PCDHGB3: variants seen among roughly 807,000 people sequenced by gnomAD.
PCDHGB3 encodes the protein protocadherin gamma-B3.
Under a neutral mutation model 59.2 loss-of-function variants are expected in PCDHGB3, and 40 were observed. The observed-to-expected ratio is 0.68, with a 90% CI of 0.52 to 0.88. PCDHGB3 has a LOEUF of 0.88. Among genes scored for constraint, PCDHGB3 ranks in the 40% least tolerant of loss-of-function variants. PCDHGB3 has a pLI of 0.00. For synonymous variants in PCDHGB3, 581 were observed against 503.6 expected (o/e 1.15, Z -2.06); for missense variants, 1,309 against 1,187.9 (o/e 1.10, Z -1.50).
At chr5:141,411,895 A>G (rs945335839) in intron 1 of PCDHGB3, 1 of 152,254 alleles carries the variant, frequency 6.6e-6, no homozygotes, top group Non-Finnish European at 1.5e-5. Context: ...TAAATGAAAT[A>G]CTATTGCCTT....
At chr5:141,498,530 A>G (rs1275299749) in intron 2 of PCDHGB3, among the ~76,000 whole-genome samples, 1 of 149,364 alleles carries the variant, frequency 6.7e-6, no homozygotes, top group Non-Finnish European at 1.5e-5. Flanking sequence ...ACTGCCCTCC[A>G]GCCTGGTCTG....
At chr5:141,375,991 C>G in intron 1 of PCDHGB3, 1 of 1,613,448 alleles carries the variant, frequency 6.2e-7, no homozygotes, top group Non-Finnish European at 8.5e-7. Context: ...TGGACAGAGA[C>G]GCGCTCAAGC....
chr5:141,403,855 A>G (rs750458276), intron 1 of PCDHGB3: 12 of 1,613,676 alleles, frequency 7.4e-6, no homozygotes, highest in Non-Finnish European at 1.0e-5. Flanking sequence ...CTGGGGAAAT[A>G]TCAACAGCAA....
chr5:141,486,489 G>T lies in PCDHGB3; in HGVS notation c.2416-8318G>T. 2 of 1,614,060 alleles carry T rather than the reference G, an allele frequency of 1.2e-6. No homozygotes were observed. The highest frequency in any genetic ancestry group is 1.7e-6 in the Non-Finnish European group (2 of 1,179,892). ...GGGAACCCTCCTCTCAGTACCCACA[G>T]AACTATTTTCCTCAATATTTCAGAT... On this transcript the variant is annotated intron_variant, in intron 1 of 3. Coordinates refer to ENST00000576222, the MANE Select transcript of PCDHGB3 (RefSeq NM_018924.5). The surrounding 1 kb of genome is among the most constrained non-coding windows in gnomAD (Gnocchi z 5.0).
rs2098293800 is a variant in PCDHGB3 at position 141,442,043 on chromosome 5, A to G, written c.2416-52764A>G. The G allele has an allele frequency of 1.9e-5, 4 of 205,506 alleles. No homozygotes were observed. In the South Asian group the frequency reaches 2.4e-4, roughly 12 times the overall value. The allele number at this position is 205,506 out of a possible 1,614,324, so 12.7% of individuals were successfully genotyped here. A position where few individuals can be genotyped will look rare whatever the true frequency, so the allele number is the denominator to read the frequency against. On this transcript the variant is annotated intron_variant, in intron 1 of 3. Transcript: ENST00000576222. ...ACAGGAAAGCGACTCGCCAGCGCCTACTGGTCGCGGTGCACTGCGGTGGAC... is the reference window on the plus strand; with the variant it reads ...ACAGGAAAGCGACTCGCCAGCGCCTGCTGGTCGCGGTGCACTGCGGTGGAC...
chr5:141,414,726 C>G (rs761022941), intron 1 of PCDHGB3: 5 of 1,614,196 alleles, frequency 3.1e-6, no homozygotes, highest in Non-Finnish European at 4.2e-6. Context: ...ACACTGGCGT[C>G]CTGTATGCAC....
At chr5:141,423,755 GGGGGGT>G in intron 1 of PCDHGB3, 4 of 512,470 alleles carry the variant, frequency 7.8e-6, no homozygotes, top group Non-Finnish European at 1.0e-5. Context: ...CTGTTTGGGG[GGGGGGT>G]GGGGCGGCAT....
chr5:141,374,554 C>G (rs1412584015), intron 1 of PCDHGB3: 1 of 1,613,560 alleles, frequency 6.2e-7, no homozygotes, highest in African/African-American at 1.3e-5. Flanking sequence ...TAATGGAGGT[C>G]TATGACCCTG....
At chr5:141,423,880 G>A in intron 1 of PCDHGB3, 1 of 1,282,292 alleles carries the variant, frequency 7.8e-7, no homozygotes, top group Middle Eastern at 2.9e-4. Context: ...TTTCAATCTT[G>A]GCATATTTTC....
chr5:141,440,905 C>A (rs986711694), intron 1 of PCDHGB3: 1 of 152,184 alleles, frequency 6.6e-6, no homozygotes, highest in East Asian at 1.9e-4. Context: ...TGCATCCGGG[C>A]ACTCCTGTGC....
intron 2 of PCDHGB3, among the ~76,000 whole-genome samples, chr5:141,504,280 C>T (rs1027657223): frequency 6.6e-6 from 1 of 152,076 alleles, no homozygotes; most frequent in Admixed American, 6.6e-5. Context: ...AATTATGAAT[C>T]ATTTCATGTT....
chr5:141,404,764 C>T (rs371618979), intron 1 of PCDHGB3: 1 of 1,613,802 alleles, frequency 6.2e-7, no homozygotes, highest in Non-Finnish European at 8.5e-7. Context: ...ATGCTTGGCT[C>T]TCCTACCGCC....
intron 2 of PCDHGB3, among the ~76,000 whole-genome samples, chr5:141,505,113 G>A (rs1254889990): frequency 6.6e-6 from 1 of 152,178 alleles, no homozygotes; most frequent in East Asian, 1.9e-4. Context: ...AATGAGCCAA[G>A]ATCGCGCCAC....
intron 1 of PCDHGB3, chr5:141,389,731 G>A: frequency 6.2e-7 from 1 of 1,612,688 alleles, no homozygotes; most frequent in Non-Finnish European, 8.5e-7. Flanking sequence ...GGGCTCTTCA[G>A]CCTGGGGCTG....
At chr5:141,434,920 A>G (rs927245955) in intron 1 of PCDHGB3, among the ~76,000 whole-genome samples, 3 of 151,796 alleles carry the variant, frequency 2.0e-5, no homozygotes, top group East Asian at 1.9e-4. Flanking sequence ...ATTTATGTAC[A>G]TATATTTTAT....
At chr5:141,449,022 A>G (rs2154562454) in intron 1 of PCDHGB3, among the ~76,000 whole-genome samples, 1 of 152,312 alleles carries the variant, frequency 6.6e-6, no homozygotes, top group Admixed American at 6.5e-5. Context: ...GTTGCTTAGC[A>G]TTCCTTTGGA....
rs1329158220 is a variant in PCDHGB3, at chr5:141,413,339, A to G, written c.2415+40530A>G. On this transcript the variant is annotated intron_variant, in intron 1 of 3. Coordinates refer to ENST00000576222, the MANE Select transcript of PCDHGB3 (RefSeq NM_018924.5). Reference sequence around the variant, plus strand: ...TCTTTCGTGGGCAACATCTCCAAGGACTTGGGTCTGGCGCCCCGGGAGCTG... The same window carrying G: ...TCTTTCGTGGGCAACATCTCCAAGGGCTTGGGTCTGGCGCCCCGGGAGCTG... The G allele has an allele frequency of 1.3e-5, 21 of 1,613,832 alleles. No individual in the cohort carries two copies. Among genetic ancestry groups the G allele is most frequent in the African/African-American group, 2.7e-5 (2 of 74,940 alleles).
intron 3 of PCDHGB3, among the ~76,000 whole-genome samples, chr5:141,510,624 A>C (rs2099881973): frequency 6.6e-6 from 1 of 152,164 alleles, no homozygotes; most frequent in African/African-American, 2.4e-5. Flanking sequence ...TAAAACCAGA[A>C]GAGGTGGTTA....
In PCDHGB3 at chr5:141,390,005, G is replaced by A. The variant is rs886109174; in HGVS notation, c.2415+17196G>A. 2.5e-6 allele frequency: 4 copies of A among 1,613,860 alleles called. No individual in the cohort carries two copies. In the African/African-American group the frequency reaches 5.3e-5, roughly 22 times the overall value. ...TGCTCTTCCTCGTGGCCATGATTCT[G>A]GCCATTGCCTTGCGCCTGCGACGCT... On this transcript the variant is annotated intron_variant, in intron 1 of 3. Coordinates refer to ENST00000576222, the MANE Select transcript of PCDHGB3 (RefSeq NM_018924.5).
Sources: allele counts gnomAD v4.1 joint callset (sites outside exome capture counted in the v4.1 genomes callset), GRCh38; gene constraint gnomAD v4.1.1; non-coding constraint Gnocchi (gnomAD v3.1); transcripts MANE v1.5; gene names NCBI Gene and HGNC (gene_info 2026-07-23, HGNC 2026-07-21).